ITSN1: variants seen among roughly 807,000 people sequenced by gnomAD.
ITSN1 encodes the protein intersectin 1, also known as intersectin-1.
Under a neutral mutation model 239.8 loss-of-function variants are expected in ITSN1, and 58 were observed. The ratio of observed to expected loss-of-function variants is 0.24; its 90% CI spans 0.20 to 0.30. The LOEUF is 0.30. ITSN1 is among the 10% of genes least tolerant of loss of function. The pLI, the probability that ITSN1 is intolerant of heterozygous loss-of-function variation, is 1.00. For missense variants in ITSN1, 1,558 were observed against 2,103.3 expected, an observed-to-expected ratio of 0.74 and a Z score of 5.07; for synonymous variants, 780 against 770.8, an observed-to-expected ratio of 1.01 and a Z score of -0.20.
intron 31 of ITSN1, among the ~76,000 whole-genome samples, chr21:33,864,464 G>A (rs1267638561): frequency 6.6e-6 from 1 of 152,170 alleles, no homozygotes; most frequent in African/African-American, 2.4e-5. Flanking sequence ...CACTCACACT[G>A]CAGGCAGACC....
At chr21:33,848,513 A>G (rs1247300383) in intron 29 of ITSN1, among the ~76,000 whole-genome samples, 1 of 152,180 alleles carries the variant, frequency 6.6e-6, no homozygotes, top group African/African-American at 2.4e-5. Flanking sequence ...GCCTCCGGGG[A>G]AGAGCATGAG....
intron 1 of ITSN1, among the ~76,000 whole-genome samples, chr21:33,670,239 C>T (rs2090183005): frequency 6.6e-6 from 1 of 152,008 alleles, no homozygotes; most frequent in African/African-American, 2.4e-5. Flanking sequence ...CCTGTGGTTC[C>T]AGCTATGTGG....
At chr21:33,783,295 CTT>C (rs994383440) in intron 16 of ITSN1, among the ~76,000 whole-genome samples, 7 of 152,104 alleles carry the variant, frequency 4.6e-5, no homozygotes, top group African/African-American at 1.4e-4. Context: ...ATATTTGAAA[CTT>C]TTATAATAGT....
chr21:33,665,963 C>G (rs1489121077), intron 1 of ITSN1, among the ~76,000 whole-genome samples: 3 of 149,572 alleles, frequency 2.0e-5, no homozygotes, highest in African/African-American at 7.4e-5. Flanking sequence ...GAGTCTCGCT[C>G]TGTTGCCCAG....
intron 1 of ITSN1, among the ~76,000 whole-genome samples, chr21:33,710,829 C>T (rs191366671): frequency 8.1e-4 from 116 of 142,578 alleles, no homozygotes; most frequent in African/African-American, 2.7e-3. Flanking sequence ...TCTTTTGAGA[C>T]GGAGTCTTGC....
intron 16 of ITSN1, among the ~76,000 whole-genome samples, chr21:33,785,831 A>G (rs1280038152): frequency 6.6e-6 from 1 of 152,224 alleles, no homozygotes; most frequent in Non-Finnish European, 1.5e-5. Flanking sequence ...ATGCGTTTTA[A>G]TAGATATTTA....
intron 5 of ITSN1, among the ~76,000 whole-genome samples, chr21:33,748,578 G>A (rs1266546595): frequency 6.6e-6 from 1 of 151,764 alleles, no homozygotes; most frequent in South Asian, 2.1e-4. Context: ...GGTGACTCAC[G>A]CTTGTAATCC....
intron 1 of ITSN1, among the ~76,000 whole-genome samples, chr21:33,705,806 T>G (rs1344754486): frequency 6.6e-6 from 1 of 152,224 alleles, no homozygotes; most frequent in Non-Finnish European, 1.5e-5. Context: ...TCAAATGCTC[T>G]TCCTTTAGAA....
At chr21:33,704,923 TAAA>T (rs55966725) in intron 1 of ITSN1, among the ~76,000 whole-genome samples, 1,412 of 93,662 alleles carry the variant, frequency 0.015, 25 homozygotes, top group African/African-American at 0.058. Flanking sequence ...CCATCTCTAC[TAAA>T]AAAAAAAAAA....
intron 33 of ITSN1, among the ~76,000 whole-genome samples, chr21:33,868,780 G>T (rs1396226467): frequency 6.6e-6 from 1 of 152,204 alleles, no homozygotes; most frequent in Non-Finnish European, 1.5e-5. Flanking sequence ...GCAGTGGTGG[G>T]CTGAAGGGCT....
intron 1 of ITSN1, among the ~76,000 whole-genome samples, chr21:33,684,991 A>C (rs1328568449): frequency 6.6e-6 from 1 of 152,210 alleles, no homozygotes; most frequent in Non-Finnish European, 1.5e-5. Flanking sequence ...CTACAAAAGA[A>C]AGGAGAGTAG....
At chr21:33,779,162 G>C (rs1340992694) in intron 14 of ITSN1, among the ~76,000 whole-genome samples, 3 of 149,486 alleles carry the variant, frequency 2.0e-5, no homozygotes, top group Admixed American at 6.6e-5. Context: ...TCTGTGGTAT[G>C]TCTGTTTTCT....
intron 16 of ITSN1, among the ~76,000 whole-genome samples, chr21:33,788,880 G>A (rs886815575): frequency 4.6e-5 from 7 of 152,128 alleles, no homozygotes; most frequent in Admixed American, 6.5e-5. Flanking sequence ...GAAGCCAGAC[G>A]TTCAAGGCTA....
chr21:33,690,791 A>ATATATATATATATATATATATATATG (rs2091487036), intron 1 of ITSN1, among the ~76,000 whole-genome samples: 1 of 8,012 alleles, frequency 1.2e-4, no homozygotes, highest in East Asian at 9.7e-4. Flanking sequence ...ATATATATAC[A>ATATATATATATATATATATATATATG]TATATATATA....
chr21:33,694,771 A>G (rs1369169087), intron 1 of ITSN1, among the ~76,000 whole-genome samples: 2 of 152,168 alleles, frequency 1.3e-5, no homozygotes, highest in Non-Finnish European at 2.9e-5. Flanking sequence ...GTGAGCCGAT[A>G]TCACACCACT....
In ITSN1 at chr21:33,897,975, T is replaced by C. The variant is rs1602757955; in HGVS notation, c.*9675T>C. 1 of 152,216 alleles carries C rather than the reference T, an allele frequency of 6.6e-6. No individual in the cohort carries two copies. Among genetic ancestry groups the C allele is most frequent in the Non-Finnish European group, 1.5e-5 (1 of 68,030 alleles). The allele number at this position is 152,216 out of a possible 1,614,324, so 9.4% of individuals were successfully genotyped here. A position where few individuals can be genotyped will look rare whatever the true frequency, so the allele number is the denominator to read the frequency against. The stretch of plus-strand genomic sequence containing the variant: ...GATGGTGGCGTGATCAAATGAAAAG[T>C]ATCCTGTAGCTATGACCTCGCATGG... On this transcript the variant is annotated 3_prime_UTR_variant, in exon 40 of 40. Transcript: ENST00000381318.
At chr21:33,736,098 T>G (rs2066483955) in intron 5 of ITSN1, among the ~76,000 whole-genome samples, 1 of 152,256 alleles carries the variant, frequency 6.6e-6, no homozygotes, top group Admixed American at 6.5e-5. Flanking sequence ...TGATTTCTGT[T>G]CTCATTCTAG....
intron 1 of ITSN1, among the ~76,000 whole-genome samples, chr21:33,648,976 T>C (rs1278658627): frequency 6.6e-6 from 1 of 152,240 alleles, no homozygotes; most frequent in African/African-American, 2.4e-5. Flanking sequence ...TGTTATCCTT[T>C]ACTCTGTAGT....
At chr21:33,819,401 A>G (rs2073504930) in intron 24 of ITSN1, 78 bp downstream of exon 24, 5 of 1,028,348 alleles carry the variant, frequency 4.9e-6, no homozygotes, top group South Asian at 4.2e-5. Context: ...ATTGAATTTC[A>G]TCTTAAGATA....
Sources: gnomAD v4.1 joint callset for allele counts (sites outside exome capture counted in the v4.1 genomes callset) on GRCh38, gnomAD v4.1.1 for gene constraint, MANE v1.5 for transcripts, NCBI Gene and HGNC (gene_info 2026-07-23, HGNC 2026-07-21) for gene names.